The following GLT1D1 variants were observed in gnomAD, a reference collection of about 807,000 sequenced individuals.
The protein encoded by GLT1D1 is glycosyltransferase 1 domain containing 1, also known as glycosyltransferase 1 domain-containing protein 1.
In GLT1D1, 21 loss-of-function variants were observed where a neutral mutation model predicts 28.7. That is an observed-to-expected ratio of 0.73 (90% CI 0.52 to 1.05). The LOEUF (loss-of-function observed/expected upper bound fraction) is 1.05. Ranked by LOEUF, GLT1D1 falls within the 50% of genes least tolerant of loss-of-function variation. The pLI is 0.00. For missense variants in GLT1D1, 343 were observed against 330.6 expected (o/e 1.04, Z -0.29); for synonymous variants, 147 against 124.8 (o/e 1.18, Z -1.19).
intron 4 of GLT1D1, 132 bp downstream of exon 8, chr12:128,927,286 T>A: frequency 1.5e-6 from 1 of 676,288 alleles, no homozygotes; most frequent in Non-Finnish European, 2.5e-6. Context: ...TCCCCCAGGC[T>A]GGAGTGCAGT....
At chr12:128,945,419 G>A (rs774227745) in intron 5 of GLT1D1, 50 bp downstream of exon 9, 29 of 1,445,246 alleles carry the variant, frequency 2.0e-5, no homozygotes, top group Middle Eastern at 1.7e-4. Context: ...AGCCTGAGTG[G>A]CCCCTGGGTT....
At chr12:128,907,865 T>C in intron 4 of GLT1D1, among the ~76,000 whole-genome samples, 1 of 152,218 alleles carries the variant, frequency 6.6e-6, no homozygotes, top group Non-Finnish European at 1.5e-5. Context: ...TTGTAATTCA[T>C]TAAATTGCCC....
intron 3 of GLT1D1, among the ~76,000 whole-genome samples, chr12:128,893,175 G>T (rs1869256003): frequency 6.6e-6 from 1 of 152,174 alleles, no homozygotes; most frequent in African/African-American, 2.4e-5. Flanking sequence ...AACCTGAGAG[G>T]CAGAGGTTGA....
chr12:128,911,223 C>T (rs987893785), intron 4 of GLT1D1, among the ~76,000 whole-genome samples: 2 of 152,242 alleles, frequency 1.3e-5, no homozygotes, highest in African/African-American at 4.8e-5. Context: ...AGCCACCATG[C>T]CTGGCCGTGC....
intron 4 of GLT1D1, among the ~76,000 whole-genome samples, chr12:128,901,829 C>A (rs1870312915): frequency 6.6e-6 from 1 of 150,686 alleles, no homozygotes; most frequent in African/African-American, 2.5e-5. Context: ...CTCACTGGAG[C>A]CTCGAACACC....
intron 4 of GLT1D1, among the ~76,000 whole-genome samples, chr12:128,899,771 C>T (rs568768796): frequency 1.6e-4 from 25 of 152,090 alleles, no homozygotes; most frequent in Admixed American, 3.9e-4. Context: ...AGGCTGGTCT[C>T]GAACTACTGG....
chr12:128,968,391 C>G (rs1486447497), intron 7 of GLT1D1, among the ~76,000 whole-genome samples: 1 of 151,812 alleles, frequency 6.6e-6, no homozygotes, highest in Non-Finnish European at 1.5e-5. Flanking sequence ...GGACACCAGG[C>G]TGGGCACAGT....
At position 128,923,117 on chromosome 12, in the gene GLT1D1, C is replaced by T. The variant is rs554853637; in HGVS notation, c.376-22209C>T. On this transcript the variant is annotated intron_variant, in intron 4 of 7. Transcript: ENST00000281703. ...CCCGTTGGGTATTAATTTTTTGAAGCTTTTGTGATTGCATTAAAGTGGTGT... is the reference window on the plus strand; with the variant it reads ...CCCGTTGGGTATTAATTTTTTGAAGTTTTTGTGATTGCATTAAAGTGGTGT... Among the ~76,000 whole-genome samples the T allele has an allele frequency of 6.6e-5, 10 of 152,134 alleles. No homozygotes were observed. The South Asian group carries it at 2.1e-3, about 32-fold the overall frequency.
chr12:128,912,308 C>A, intron 4 of GLT1D1, 116 bp from the exon 5 acceptor site: 1 of 601,596 alleles, frequency 1.7e-6, no homozygotes, highest in South Asian at 2.1e-5. Flanking sequence ...AGATGATTCT[C>A]AGTGATGTTT....
rs1593174861 is a variant in GLT1D1 at position 128,947,413 on chromosome 12, G to A, written c.495G>A (p.Val165=). The A allele has an allele frequency of 1.2e-6, 2 of 1,614,152 alleles. No individual in the cohort carries two copies. Among genetic ancestry groups the A allele is most frequent in the South Asian group, 1.1e-5 (1 of 91,072 alleles). ...CGGTGGTGAAGAATTGCTTCGCGGT[G>A]GTGAATAGCTCTGTCTCTGAAGGCA... Residue 165 remains valine, a synonymous_variant, in exon 6 of 8, where the codon GTG becomes GTA. Coordinates refer to ENST00000281703, the MANE Select transcript of GLT1D1 (RefSeq NM_144669.3).
chr12:128,935,438 G>C (rs1023267062), intron 4 of GLT1D1, among the ~76,000 whole-genome samples: 1 of 151,862 alleles, frequency 6.6e-6, no homozygotes, highest in Non-Finnish European at 1.5e-5. Flanking sequence ...CTACTCAGGA[G>C]GCTGAGGCAA....
chr12:128,875,184 G>A (rs143386305), intron 1 of GLT1D1, among the ~76,000 whole-genome samples: 13 of 151,950 alleles, frequency 8.6e-5, no homozygotes, highest in East Asian at 3.9e-4. Flanking sequence ...AGCAACAGAG[G>A]CCCAAAAACA....
chr12:128,902,976 C>T (rs1007826496), intron 4 of GLT1D1, among the ~76,000 whole-genome samples: 5 of 148,116 alleles, frequency 3.4e-5, no homozygotes, highest in African/African-American at 1.3e-4. Flanking sequence ...CCCAGGAGGC[C>T]GAGGTTGAAG....
intron 7 of GLT1D1, 45 bp downstream of exon 11, chr12:128,957,688 A>G: frequency 8.3e-7 from 1 of 1,209,172 alleles, no homozygotes; most frequent in Non-Finnish European, 1.2e-6. Flanking sequence ...TTATCTGAAT[A>G]GTTTTCCTCT....
Position 128,853,493 on chromosome 12 carries a change from C to G in GLT1D1, c.-89C>G. On this transcript the variant is annotated 5_prime_UTR_variant, in exon 1 of 8. Coordinates refer to ENST00000281703, the MANE Select transcript of GLT1D1 (RefSeq NM_144669.3). ...GGCGGGCGGGACAGACCCAGCCGCC[C>G]CGGCTCCCCCGCCGTCCGCGTCTGC... 1.0e-6 allele frequency: 1 copy of G among 972,416 alleles called. No individual in the cohort carries two copies. Among genetic ancestry groups the G allele is most frequent in the Non-Finnish European group, 1.2e-6 (1 of 814,688 alleles). The allele number at this position is 972,416 out of a possible 1,614,324, so 60.2% of individuals were successfully genotyped here.
chr12:128,925,158 A>G (rs947340558), intron 4 of GLT1D1, among the ~76,000 whole-genome samples: 1 of 151,680 alleles, frequency 6.6e-6, no homozygotes, highest in African/African-American at 2.4e-5. Context: ...ATACCTATGG[A>G]CATGTGTTTG....
chr12:128,871,564 A>G (rs1278434186), intron 1 of GLT1D1, among the ~76,000 whole-genome samples: 2 of 152,220 alleles, frequency 1.3e-5, no homozygotes, highest in Non-Finnish European at 2.9e-5. Context: ...AGAGAAAAAT[A>G]TCATCCACAT....
intron 7 of GLT1D1, among the ~76,000 whole-genome samples, chr12:128,977,682 T>A (rs1270582413): frequency 6.6e-6 from 1 of 151,684 alleles, no homozygotes; most frequent in Non-Finnish European, 1.5e-5. Context: ...TGTTTTAAAC[T>A]CTCTTGAGAG....
chr12:128,952,272 A>T (rs879583573), intron 6 of GLT1D1, among the ~76,000 whole-genome samples: 6 of 151,620 alleles, frequency 4.0e-5, no homozygotes, highest in Non-Finnish European at 7.4e-5. Flanking sequence ...GGTGGCGGGG[A>T]TGTGCTCAGG....
Sources: allele counts gnomAD v4.1 joint callset (sites outside exome capture counted in the v4.1 genomes callset), GRCh38; gene constraint gnomAD v4.1.1; transcripts MANE v1.5; gene names NCBI Gene and HGNC (gene_info 2026-07-23, HGNC 2026-07-21).